The following PTPRT variants were observed in gnomAD, a reference collection of about 807,000 sequenced individuals.
PTPRT encodes the protein receptor-type tyrosine-protein phosphatase T.
In PTPRT, 56 loss-of-function variants were observed where a neutral mutation model predicts 176.8. That is an observed-to-expected ratio of 0.32 (90% CI 0.26 to 0.40). The LOEUF is 0.40. Among genes scored for constraint, PTPRT ranks in the 10% least tolerant of loss-of-function variants. The probability of loss-of-function intolerance (pLI) is 1.00; values close to 1 mark genes in which losing one functional copy is unlikely to be tolerated. For synonymous variants in PTPRT, 783 were observed against 739.0 expected (o/e 1.06, Z -0.96); for missense variants, 1,540 against 1,908.2 (o/e 0.81, Z 3.60).
At chr20:42,416,571 A>G (rs890369244) in intron 9 of PTPRT, among the ~76,000 whole-genome samples, 2 of 152,156 alleles carry the variant, frequency 1.3e-5, no homozygotes, top group East Asian at 1.9e-4. Context: ...CCCTAAGTTA[A>G]ATAGAAGAAA....
chr20:42,543,330 C>CA (rs2072616755), intron 7 of PTPRT, among the ~76,000 whole-genome samples: 2 of 152,186 alleles, frequency 1.3e-5, no homozygotes, highest in South Asian at 4.1e-4. Flanking sequence ...CCAGTGTTTA[C>CA]AGCATCTTCA....
intron 23 of PTPRT, among the ~76,000 whole-genome samples, chr20:42,108,906 G>A (rs79205429): frequency 0.035 from 5,391 of 152,264 alleles, 286 homozygotes; most frequent in African/African-American, 0.12. Flanking sequence ...GCCATCATGC[G>A]CCGAAGTCCT....
chr20:42,686,536 T>C (rs1264932141), intron 6 of PTPRT, among the ~76,000 whole-genome samples: 1 of 131,168 alleles, frequency 7.6e-6, no homozygotes, highest in Non-Finnish European at 1.6e-5. Context: ...CAGGCTGGAG[T>C]GCAGTGGCGC....
At chr20:42,437,042 T>G (rs2059268241) in intron 9 of PTPRT, among the ~76,000 whole-genome samples, 1 of 152,100 alleles carries the variant, frequency 6.6e-6, no homozygotes, top group South Asian at 2.1e-4. Context: ...TATACAAGAT[T>G]TAGAAGAGTG....
intron 13 of PTPRT, among the ~76,000 whole-genome samples, chr20:42,281,158 C>T (rs1226157144): frequency 6.6e-6 from 1 of 152,210 alleles, no homozygotes; most frequent in Non-Finnish European, 1.5e-5. Context: ...GTTCTTCCTT[C>T]TACATTATCT....
At chr20:42,793,832 C>G (rs1279097508) in intron 2 of PTPRT, among the ~76,000 whole-genome samples, 1 of 152,140 alleles carries the variant, frequency 6.6e-6, no homozygotes, top group Non-Finnish European at 1.5e-5. Flanking sequence ...AGTAGCAACT[C>G]ACAAGCCCCA....
At chr20:42,371,160 C>G (rs2058581652) in intron 9 of PTPRT, among the ~76,000 whole-genome samples, 1 of 152,226 alleles carries the variant, frequency 6.6e-6, no homozygotes, top group Non-Finnish European at 1.5e-5. Flanking sequence ...TGGTACAGAA[C>G]AGCAGCCCCA....
chr20:42,368,734 T>C (rs1168427933), intron 9 of PTPRT, among the ~76,000 whole-genome samples: 1 of 152,188 alleles, frequency 6.6e-6, no homozygotes, highest in African/African-American at 2.4e-5. Flanking sequence ...TTGAAAAATA[T>C]CAAAATTTGC....
chr20:42,366,829 T>A (rs1037296962), intron 9 of PTPRT, among the ~76,000 whole-genome samples: 1 of 152,148 alleles, frequency 6.6e-6, no homozygotes. Context: ...GATTGCAGAG[T>A]AAAACCCACG....
At chr20:42,268,666 T>A (rs1199710678) in intron 13 of PTPRT, among the ~76,000 whole-genome samples, 2 of 152,214 alleles carry the variant, frequency 1.3e-5, no homozygotes, top group Non-Finnish European at 2.9e-5. Context: ...GAAGCACATA[T>A]GATAATTAGT....
intron 12 of PTPRT, among the ~76,000 whole-genome samples, chr20:42,291,693 C>A (rs1289503070): frequency 6.6e-6 from 1 of 151,978 alleles, no homozygotes; most frequent in Non-Finnish European, 1.5e-5. Flanking sequence ...CATGCAAAGG[C>A]CTGAAAGTGG....
chr20:42,488,240 T>G (rs1436323330), intron 7 of PTPRT, among the ~76,000 whole-genome samples: 3 of 152,216 alleles, frequency 2.0e-5, no homozygotes, highest in Non-Finnish European at 4.4e-5. Context: ...TTTGTGTGAA[T>G]TCCTTTGTGG....
In PTPRT at chr20:42,777,090, T is replaced by C. The variant is rs141093897; in HGVS notation, c.568+3128A>G. On this transcript the variant is annotated intron_variant, in intron 4 of 30. Coordinates refer to ENST00000373187, the MANE Select transcript of PTPRT (RefSeq NM_007050.6). ...GTGCGGGCCACCACCACCTCTTGCA[T>C]GGCTCCAGAACTTTCTTCCTCCTAG... is the stretch of plus-strand genomic sequence containing the variant. Among the ~76,000 whole-genome samples the C allele has an allele frequency of 1.6e-3, 240 of 152,208 alleles. 2 individuals carry two copies. The highest frequency in any genetic ancestry group is 5.6e-3 in the African/African-American group (231 of 41,516).
chr20:42,871,283 T>C (rs2078841608), intron 2 of PTPRT, among the ~76,000 whole-genome samples: 1 of 148,748 alleles, frequency 6.7e-6, no homozygotes, highest in Admixed American at 6.8e-5. Flanking sequence ...TTTGTTTATC[T>C]TCTTTGGACA....
chr20:42,729,314 G>C (rs972123916), intron 6 of PTPRT, among the ~76,000 whole-genome samples: 2 of 152,090 alleles, frequency 1.3e-5, no homozygotes, highest in Non-Finnish European at 2.9e-5. Flanking sequence ...GCTGCAAAAG[G>C]GGAGAAAAAA....
chr20:42,241,935 A>G (rs755125161), intron 14 of PTPRT, among the ~76,000 whole-genome samples: 7 of 152,180 alleles, frequency 4.6e-5, no homozygotes, highest in Non-Finnish European at 1.0e-4. Context: ...TGTGGACTCC[A>G]TTATCAGATT....
chr20:42,569,292 CA>C (rs1253638631), intron 7 of PTPRT, among the ~76,000 whole-genome samples: 18 of 151,494 alleles, frequency 1.2e-4, no homozygotes, highest in Admixed American at 5.3e-4. Flanking sequence ...ATTAGATGCT[CA>C]ATGTCTCCTT....
At chr20:43,093,642 C>T (rs189909679) in intron 1 of PTPRT, among the ~76,000 whole-genome samples, 178 of 152,316 alleles carry the variant, frequency 1.2e-3, no homozygotes, top group African/African-American at 4.1e-3. Flanking sequence ...GAGTGATCCT[C>T]GGGAAGTTAA....
rs139201285 is a variant in PTPRT at position 43,052,589 on chromosome 20, T to C, written c.88+137057A>G. On this transcript the variant is annotated intron_variant, in intron 1 of 30. Transcript: ENST00000373187. ...TATTAATGCTTTGTGAAAAACTTCA[T>C]ATAGGATGAGGTCATTCTATTTCCC... is the stretch of plus-strand genomic sequence containing the variant. 1.5e-3 allele frequency among the ~76,000 whole-genome samples: 221 copies of C among 152,394 alleles called. 1 individual carries two copies. The highest frequency in any genetic ancestry group is 2.6e-3 in the Non-Finnish European group (179 of 68,040).
Sources: gnomAD v4.1 joint callset for allele counts (sites outside exome capture counted in the v4.1 genomes callset) on GRCh38, gnomAD v4.1.1 for gene constraint, MANE v1.5 for transcripts, NCBI Gene and HGNC (gene_info 2026-07-23, HGNC 2026-07-21) for gene names.